Variants in ST6GAL2 observed in about 807,000 individuals in gnomAD.
ST6GAL2 encodes beta-galactoside alpha-2,6-sialyltransferase 2.
ST6GAL2 carries 24 observed loss-of-function variants against 37.5 expected under a neutral mutation model. That is an observed-to-expected ratio of 0.64 (90% CI 0.46 to 0.90). ST6GAL2 has a LOEUF of 0.90. Among genes scored for constraint, ST6GAL2 ranks in the 40% least tolerant of loss-of-function variants. The pLI, the probability that ST6GAL2 is intolerant of heterozygous loss-of-function variation, is 0.00. For synonymous variants in ST6GAL2, 306 were observed against 295.1 expected (o/e 1.04, Z -0.38); for missense variants, 715 against 712.7 (o/e 1.00, Z -0.04).
chr2:106,820,199 C>A (rs1371185898), intron 5 of ST6GAL2, among the ~76,000 whole-genome samples: 2 of 151,952 alleles, frequency 1.3e-5, no homozygotes, highest in Non-Finnish European at 2.9e-5. Context: ...CAAAACAAGA[C>A]CCAATGATCT....
intron 1 of ST6GAL2, among the ~76,000 whole-genome samples, chr2:106,872,938 G>T (rs1678339164): frequency 6.6e-6 from 1 of 152,070 alleles, no homozygotes; most frequent in Non-Finnish European, 1.5e-5. Flanking sequence ...GTAAGGAAAA[G>T]AGTCCTTTTA....
At chr2:106,851,751 ACACT>A (rs1252395500) in intron 1 of ST6GAL2, among the ~76,000 whole-genome samples, 2 of 151,200 alleles carry the variant, frequency 1.3e-5, no homozygotes, top group Admixed American at 1.3e-4. Flanking sequence ...GGTCTGAGAC[ACACT>A]CACGTCCTTT....
At chr2:106,851,748 GA>G (rs2104550697) in intron 1 of ST6GAL2, among the ~76,000 whole-genome samples, 2 of 150,962 alleles carry the variant, frequency 1.3e-5, no homozygotes, top group Admixed American at 1.3e-4. Context: ...GTGGGTCTGA[GA>G]CACACTCACG....
intron 5 of ST6GAL2, among the ~76,000 whole-genome samples, chr2:106,809,324 C>T (rs1273089331): frequency 1.3e-5 from 2 of 152,220 alleles, no homozygotes; most frequent in African/African-American, 4.8e-5. Flanking sequence ...GGGGTGGCTT[C>T]AAGAGTGTCT....
chr2:106,852,689 G>T (rs566933332), intron 1 of ST6GAL2, among the ~76,000 whole-genome samples: 21 of 152,330 alleles, frequency 1.4e-4, no homozygotes, highest in Non-Finnish European at 2.8e-4. Flanking sequence ...GAGGGGAAGG[G>T]TTCCTCATTT....
intron 5 of ST6GAL2, among the ~76,000 whole-genome samples, chr2:106,818,845 G>A (rs537652190): frequency 6.6e-6 from 1 of 151,886 alleles, no homozygotes; most frequent in East Asian, 1.9e-4. Flanking sequence ...CAAGATAACA[G>A]AAAGAAGAAA....
At chr2:106,807,330 A>G (rs976923225) in intron 5 of ST6GAL2, among the ~76,000 whole-genome samples, 1 of 152,198 alleles carries the variant, frequency 6.6e-6, no homozygotes, top group Non-Finnish European at 1.5e-5. Context: ...CTGGTTTGCA[A>G]TGATGGGACA....
intron 1 of ST6GAL2, among the ~76,000 whole-genome samples, chr2:106,864,845 AACAAATCTTCCAAAAGGAACTCCGAC>A (rs1677956643): frequency 6.6e-6 from 1 of 152,220 alleles, no homozygotes; most frequent in South Asian, 2.1e-4. Context: ...CACAGCTTTT[AACAAATCTTCCAAAAGGAACTCCGAC>A]AGTAAATTTG....
At chr2:106,854,432 A>G (rs1409428543) in intron 1 of ST6GAL2, among the ~76,000 whole-genome samples, 1 of 152,218 alleles carries the variant, frequency 6.6e-6, no homozygotes, top group Non-Finnish European at 1.5e-5. Flanking sequence ...CCAAGTTTTG[A>G]AATTCTGTAA....
chr2:106,886,135 G>A lies in ST6GAL2; in HGVS notation c.-100C>T, dbSNP rs533652580. On this transcript the variant is annotated 5_prime_UTR_variant, in exon 1 of 6. Transcript: ENST00000409382. ...CGCGCCTCGAAGCGCACGACACCGTGGTGCTCGGTGCTCCCCCTGGCAGCG... is the reference window on the plus strand; with the variant it reads ...CGCGCCTCGAAGCGCACGACACCGTAGTGCTCGGTGCTCCCCCTGGCAGCG... The A allele has an allele frequency of 6.6e-5, 10 of 152,448 alleles. No individual in the cohort carries two copies. The highest frequency in any genetic ancestry group is 6.2e-4 in the South Asian group (3 of 4,828). The allele number at this position is 152,448 out of a possible 1,614,324, so 9.4% of individuals were successfully genotyped here.
rs750978885 is a variant in ST6GAL2 at position 106,838,156 on chromosome 2, AG to A, written c.944-4011del. ...TTAGAAAAAAAGGAATAGGTCAGACAGCAAATACAAGGGGAAGAAAGTCAAG... is the reference window on the plus strand; with the variant it reads ...TTAGAAAAAAAGGAATAGGTCAGACACAAATACAAGGGGAAGAAAGTCAAG... On this transcript the variant is annotated intron_variant, in intron 2 of 5. Coordinates refer to ENST00000409382, the MANE Select transcript of ST6GAL2 (RefSeq NM_001142351.2). 5.5e-4 allele frequency among the ~76,000 whole-genome samples: 84 copies of A among 152,358 alleles called. No homozygotes were observed. In the Middle Eastern group the frequency reaches 0.01, roughly 19 times the overall value.
intron 1 of ST6GAL2, among the ~76,000 whole-genome samples, chr2:106,884,934 T>TATATATATATACACACACAC (rs1425070594): frequency 1.7e-5 from 2 of 120,470 alleles, no homozygotes; most frequent in African/African-American, 7.1e-5. Flanking sequence ...TATATATATA[T>TATATATATATACACACACAC]ACATACACAC....
chr2:106,879,538 A>T (rs1678654406), intron 1 of ST6GAL2, among the ~76,000 whole-genome samples: 2 of 152,022 alleles, frequency 1.3e-5, no homozygotes, highest in African/African-American at 2.4e-5. Context: ...TTTGAACATC[A>T]GGCAGAAGAA....
At chr2:106,857,624 C>T (rs535569945) in intron 1 of ST6GAL2, among the ~76,000 whole-genome samples, 36 of 152,000 alleles carry the variant, frequency 2.4e-4, no homozygotes, top group African/African-American at 8.7e-4. Flanking sequence ...CAAAACAAAA[C>T]CAAAAAAAAC....
chr2:106,811,901 A>C (rs1675623124), intron 5 of ST6GAL2, among the ~76,000 whole-genome samples: 1 of 152,180 alleles, frequency 6.6e-6, no homozygotes, highest in Non-Finnish European at 1.5e-5. Flanking sequence ...AGAAGTGTAC[A>C]GGGTAAAAAG....
intron 5 of ST6GAL2, among the ~76,000 whole-genome samples, chr2:106,816,833 C>T (rs552924187): frequency 3.3e-5 from 5 of 152,276 alleles, no homozygotes; most frequent in Admixed American, 6.5e-5. Context: ...TGAAGAGAGT[C>T]GGAAACTCAG....
intron 5 of ST6GAL2, among the ~76,000 whole-genome samples, chr2:106,823,559 G>A (rs1676092767): frequency 1.3e-5 from 2 of 149,740 alleles, no homozygotes; most frequent in African/African-American, 2.5e-5. Flanking sequence ...AAGAACACAC[G>A]ATGTATGAGC....
At chr2:106,873,956 T>C (rs1678386755) in intron 1 of ST6GAL2, among the ~76,000 whole-genome samples, 1 of 152,140 alleles carries the variant, frequency 6.6e-6, no homozygotes, top group African/African-American at 2.4e-5. Flanking sequence ...AGGGAAAAAA[T>C]CCAACCTACT....
intron 1 of ST6GAL2, among the ~76,000 whole-genome samples, chr2:106,883,421 A>G (rs1264634074): frequency 6.6e-6 from 1 of 152,240 alleles, no homozygotes; most frequent in Non-Finnish European, 1.5e-5. Context: ...GGTCATCTAC[A>G]GCCCATTCAG....
Sources: gnomAD v4.1 joint callset for allele counts (sites outside exome capture counted in the v4.1 genomes callset) on GRCh38, gnomAD v4.1.1 for gene constraint, MANE v1.5 for transcripts, NCBI Gene and HGNC (gene_info 2026-07-23, HGNC 2026-07-21) for gene names.